RHEB: variants seen among roughly 807,000 people sequenced by gnomAD.
RHEB encodes the protein Ras homolog, mTORC1 binding.
In RHEB, 2 loss-of-function variants were observed where a neutral mutation model predicts 28.8. That is an observed-to-expected ratio of 0.07 (90% CI 0.03 to 0.22). The LOEUF (loss-of-function observed/expected upper bound fraction) is 0.22. Among genes scored for constraint, RHEB ranks in the 10% least tolerant of loss-of-function variants. The pLI, the probability that RHEB is intolerant of heterozygous loss-of-function variation, is 1.00. For synonymous variants in RHEB, 69 were observed against 77.3 expected, an observed-to-expected ratio of 0.89 and a Z score of 0.56; for missense variants, 76 against 219.9, an observed-to-expected ratio of 0.35 and a Z score of 4.14.
rs911357106 is a variant in RHEB, at chr7:151,466,625, A to G, written c.*494T>C. 2.6e-5 allele frequency: 4 copies of G among 156,362 alleles called. No homozygotes were observed. The highest frequency in any genetic ancestry group is 6.4e-5 in the Admixed American group (1 of 15,556). 9.7% of individuals were successfully genotyped at this position (156,362 alleles called of 1,614,324 possible). A position where few individuals can be genotyped will look rare whatever the true frequency, so the allele number is the denominator to read the frequency against. ...ACATCTTCACTGGTTTCTGGAATCC[A>G]ACCTGGGGCCTTCCTGAAGCCAAGT... On this transcript the variant is annotated 3_prime_UTR_variant, in exon 8 of 8. Coordinates refer to ENST00000262187, the MANE Select transcript of RHEB (RefSeq NM_005614.4).
chr7:151,494,221 C>G (rs895318415), intron 1 of RHEB, among the ~76,000 whole-genome samples: 1 of 152,180 alleles, frequency 6.6e-6, no homozygotes, highest in South Asian at 2.1e-4. Context: ...GAAAGAGGGG[C>G]TAAGTATGAT....
chr7:151,478,913 G>A (rs897654603), intron 3 of RHEB, among the ~76,000 whole-genome samples: 1 of 151,794 alleles, frequency 6.6e-6, no homozygotes, highest in Non-Finnish European at 1.5e-5. Flanking sequence ...GGGATTACAC[G>A]TGTGAGCCAC....
intron 3 of RHEB, among the ~76,000 whole-genome samples, chr7:151,477,868 C>A (rs1373497875): frequency 6.6e-6 from 1 of 151,978 alleles, no homozygotes; most frequent in Non-Finnish European, 1.5e-5. Context: ...ATGACCTGAG[C>A]TTCAGTCTAC....
At chr7:151,481,229 T>C (rs1187978125) in intron 3 of RHEB, among the ~76,000 whole-genome samples, 1 of 152,036 alleles carries the variant, frequency 6.6e-6, no homozygotes, top group African/African-American at 2.4e-5. Flanking sequence ...TTTCATGCAA[T>C]CTAAAAATAA....
intron 1 of RHEB, among the ~76,000 whole-genome samples, chr7:151,508,042 C>G (rs1311682697): frequency 6.6e-6 from 1 of 152,144 alleles, no homozygotes; most frequent in Admixed American, 6.5e-5. Context: ...AATAATAGCC[C>G]TGATAAACTG....
intron 1 of RHEB, among the ~76,000 whole-genome samples, chr7:151,493,638 AC>A (rs1802625455): frequency 6.6e-6 from 1 of 152,240 alleles, no homozygotes; most frequent in South Asian, 2.1e-4. Flanking sequence ...AATACAAAAC[AC>A]AGTTCAACAG....
intron 3 of RHEB, among the ~76,000 whole-genome samples, chr7:151,479,519 C>A (rs930586957): frequency 1.3e-5 from 2 of 151,716 alleles, no homozygotes; most frequent in Non-Finnish European, 2.9e-5. Context: ...CGTCTCCACT[C>A]AAAATACAAA....
chr7:151,469,637 C>G (rs922157898), intron 7 of RHEB, among the ~76,000 whole-genome samples: 12 of 152,212 alleles, frequency 7.9e-5, no homozygotes, highest in African/African-American at 2.9e-4. Flanking sequence ...ATATAAAACC[C>G]CACATGAACC....
intron 1 of RHEB, among the ~76,000 whole-genome samples, chr7:151,511,937 C>T (rs1159099543): frequency 6.6e-6 from 1 of 152,222 alleles, no homozygotes; most frequent in Non-Finnish European, 1.5e-5. Flanking sequence ...AGGCGAGAGC[C>T]ACTGCGCACA....
chr7:151,511,731 T>TCC (rs1802992960), intron 1 of RHEB, among the ~76,000 whole-genome samples: 1 of 151,532 alleles, frequency 6.6e-6, no homozygotes, highest in Non-Finnish European at 1.5e-5. Context: ...CACTGCAACC[T>TCC]CCCCCTTCGG....
At chr7:151,496,765 G>A (rs1802680188) in intron 1 of RHEB, among the ~76,000 whole-genome samples, 3 of 151,826 alleles carry the variant, frequency 2.0e-5, no homozygotes, top group Admixed American at 6.6e-5. Context: ...AAACCTCTAT[G>A]ACTTTTGTTT....
At chr7:151,491,092 A>T in intron 1 of RHEB, 78 bp from the exon 2 acceptor site, 1 of 975,356 alleles carries the variant, frequency 1.0e-6, no homozygotes, top group Non-Finnish European at 1.6e-6. Flanking sequence ...TTATTAAAAA[A>T]CCATTAATAG....
intron 4 of RHEB, among the ~76,000 whole-genome samples, chr7:151,476,326 A>C (rs1245655565): frequency 6.6e-6 from 1 of 152,198 alleles, no homozygotes; most frequent in Non-Finnish European, 1.5e-5. Context: ...TGAGCACCTG[A>C]AATGGGGCTA....
chr7:151,479,624 A>G (rs189666347), intron 3 of RHEB, among the ~76,000 whole-genome samples: 1 of 149,236 alleles, frequency 6.7e-6, no homozygotes, highest in Non-Finnish European at 1.5e-5. Context: ...CGGAGCTTGC[A>G]GTGAGCCGAG....
At chr7:151,488,243 C>A (rs1042931059) in intron 2 of RHEB, among the ~76,000 whole-genome samples, 3 of 152,130 alleles carry the variant, frequency 2.0e-5, no homozygotes, top group Non-Finnish European at 4.4e-5. Flanking sequence ...AAAATTTCCC[C>A]AAACTAGAAA....
intron 3 of RHEB, among the ~76,000 whole-genome samples, chr7:151,481,663 T>C (rs895699388): frequency 2.6e-5 from 4 of 152,226 alleles, no homozygotes; most frequent in Admixed American, 6.5e-5. Context: ...ATTTATTGTC[T>C]CTCAACTGTA....
intron 4 of RHEB, among the ~76,000 whole-genome samples, chr7:151,474,252 C>A (rs1247963194): frequency 2.0e-5 from 3 of 151,626 alleles, no homozygotes; most frequent in African/African-American, 7.3e-5. Context: ...GATTTCAGCT[C>A]ATGATACAGT....
intron 1 of RHEB, among the ~76,000 whole-genome samples, chr7:151,512,254 A>C (rs1803004991): frequency 6.6e-6 from 1 of 152,216 alleles, no homozygotes; most frequent in African/African-American, 2.4e-5. Flanking sequence ...TGTTATTCTG[A>C]ATCTTCACCC....
chr7:151,495,885 GAGGCTGC>G (rs1380393105), intron 1 of RHEB, among the ~76,000 whole-genome samples: 3 of 152,238 alleles, frequency 2.0e-5, no homozygotes, highest in African/African-American at 7.2e-5. Context: ...CCGAAGGGTT[GAGGCTGC>G]AGTGTGCGTT....
Sources: gnomAD v4.1 joint callset for allele counts (sites outside exome capture counted in the v4.1 genomes callset) on GRCh38, gnomAD v4.1.1 for gene constraint, MANE v1.5 for transcripts, NCBI Gene and HGNC (gene_info 2026-07-23, HGNC 2026-07-21) for gene names.